The following NALF1 variants were observed in gnomAD, a reference collection of about 807,000 sequenced individuals.
NALF1 encodes the protein NALCN channel auxiliary factor 1.
A neutral mutation model predicts 48.4 loss-of-function variants in NALF1; 3 were observed. The ratio of observed to expected loss-of-function variants is 0.06; its 90% CI spans 0.03 to 0.16. NALF1 has a LOEUF of 0.16. Ranked by LOEUF, NALF1 falls within the 10% of genes least tolerant of loss-of-function variation. The pLI is 1.00. For missense variants in NALF1, 526 were observed against 571.5 expected (o/e 0.92, Z 0.81); for synonymous variants, 262 against 245.7 (o/e 1.07, Z -0.62).
chr13:107,732,076 C>T (rs1310599820), intron 1 of NALF1, among the ~76,000 whole-genome samples: 2 of 152,094 alleles, frequency 1.3e-5, no homozygotes, highest in African/African-American at 4.8e-5. Flanking sequence ...TATTATCACC[C>T]TCATTTCTAG....
At chr13:107,292,290 C>A (rs1054356310) in intron 1 of NALF1, among the ~76,000 whole-genome samples, 1 of 152,144 alleles carries the variant, frequency 6.6e-6, no homozygotes, top group Non-Finnish European at 1.5e-5. Flanking sequence ...ATGGAGCTTG[C>A]AGAACTGAAG....
chr13:107,317,125 C>T (rs1045550427), intron 1 of NALF1, among the ~76,000 whole-genome samples: 1 of 152,024 alleles, frequency 6.6e-6, no homozygotes, highest in Non-Finnish European at 1.5e-5. Flanking sequence ...TGCAAGAACT[C>T]AAATAATACT....
chr13:107,621,102 C>T (rs1160795510), intron 1 of NALF1, among the ~76,000 whole-genome samples: 1 of 152,086 alleles, frequency 6.6e-6, no homozygotes, highest in Admixed American at 6.6e-5. Flanking sequence ...ATGCGACTGA[C>T]AAGTAGTTCC....
At chr13:107,459,726 T>C (rs938935703) in intron 1 of NALF1, among the ~76,000 whole-genome samples, 7 of 152,100 alleles carry the variant, frequency 4.6e-5, no homozygotes, top group Non-Finnish European at 1.0e-4. Context: ...GCCATTCTTG[T>C]CATGCTTCTT....
At position 107,169,507 on chromosome 13, in the gene NALF1, T is replaced by C. The variant is rs573746133; in HGVS notation, c.*990A>G. 1 of 152,256 alleles carries C rather than the reference T, an allele frequency of 6.6e-6. No individual in the cohort carries two copies. Among genetic ancestry groups the C allele is most frequent in the African/African-American group, 2.4e-5 (1 of 41,560 alleles). 9.4% of individuals were successfully genotyped at this position (152,256 alleles called of 1,614,324 possible). A position where few individuals can be genotyped will look rare whatever the true frequency, so the allele number is the denominator to read the frequency against. ...AAATCACAATGAAAGCCCACCTTCA[T>C]TGTCAAAAGAAAAACTTCCTCACTC... On this transcript the variant is annotated 3_prime_UTR_variant, in exon 3 of 3. Transcript: ENST00000375915.
chr13:107,692,492 T>C (rs1881589676), intron 1 of NALF1, among the ~76,000 whole-genome samples: 1 of 152,242 alleles, frequency 6.6e-6, no homozygotes, highest in Non-Finnish European at 1.5e-5. Flanking sequence ...AAATTGACTT[T>C]ATATTATGCC....
chr13:107,327,214 G>A (rs969270218), intron 1 of NALF1, among the ~76,000 whole-genome samples: 1 of 152,112 alleles, frequency 6.6e-6, no homozygotes, highest in Non-Finnish European at 1.5e-5. Context: ...CTAAATACCA[G>A]CAGCCACCAA....
At chr13:107,592,709 A>C (rs1360349745) in intron 1 of NALF1, among the ~76,000 whole-genome samples, 18 of 151,934 alleles carry the variant, frequency 1.2e-4, no homozygotes, top group Admixed American at 1.2e-3. Flanking sequence ...GTTATCATCA[A>C]CTTCTAAAAT....
At chr13:107,495,964 C>T (rs897807264) in intron 1 of NALF1, among the ~76,000 whole-genome samples, 2 of 151,766 alleles carry the variant, frequency 1.3e-5, no homozygotes, top group African/African-American at 4.8e-5. Context: ...CATCTTTGTT[C>T]AATGTTATGT....
chr13:107,717,327 A>T (rs1356801265), intron 1 of NALF1, among the ~76,000 whole-genome samples: 2 of 152,330 alleles, frequency 1.3e-5, no homozygotes, highest in South Asian at 2.1e-4. Context: ...CATGAGTATC[A>T]CGTATGGACA....
chr13:107,269,036 G>A (rs111260428), intron 1 of NALF1, among the ~76,000 whole-genome samples: 18 of 152,138 alleles, frequency 1.2e-4, no homozygotes, highest in African/African-American at 4.1e-4. Flanking sequence ...GGTGGTGCAC[G>A]CCTGTGGTCC....
At chr13:107,761,128 C>T (rs547110464) in intron 1 of NALF1, among the ~76,000 whole-genome samples, 6 of 152,176 alleles carry the variant, frequency 3.9e-5, no homozygotes, top group African/African-American at 1.2e-4. Flanking sequence ...GAGGCCAAGG[C>T]GGGCAGATCA....
chr13:107,365,747 C>G (rs1281888011), intron 1 of NALF1, among the ~76,000 whole-genome samples: 1 of 152,168 alleles, frequency 6.6e-6, no homozygotes, highest in Non-Finnish European at 1.5e-5. Context: ...GAGAGATCCT[C>G]TTTTAGAAAT....
At chr13:107,776,425 C>T (rs1291401051) in intron 1 of NALF1, among the ~76,000 whole-genome samples, 1 of 152,122 alleles carries the variant, frequency 6.6e-6, no homozygotes, top group Non-Finnish European at 1.5e-5. Context: ...ATATGGGAAG[C>T]TTTCAGTAAT....
chr13:107,830,582 C>A (rs185409622), intron 1 of NALF1, among the ~76,000 whole-genome samples: 4 of 152,244 alleles, frequency 2.6e-5, no homozygotes, highest in Admixed American at 1.3e-4. Context: ...TGTATCTTTG[C>A]TGGAGAAATA....
intron 2 of NALF1, among the ~76,000 whole-genome samples, chr13:107,191,554 T>C (rs1159860036): frequency 6.6e-6 from 1 of 152,210 alleles, no homozygotes; most frequent in Non-Finnish European, 1.5e-5. Flanking sequence ...CTAGAGGCGA[T>C]GAAGAAGCTG....
chr13:107,205,132 A>G (rs1042904413), intron 2 of NALF1, among the ~76,000 whole-genome samples: 2 of 151,816 alleles, frequency 1.3e-5, no homozygotes, highest in African/African-American at 2.4e-5. Context: ...CATTAGGTAT[A>G]TCTCCCAATG....
intron 1 of NALF1, among the ~76,000 whole-genome samples, chr13:107,494,449 C>A (rs1175168904): frequency 6.6e-6 from 1 of 152,140 alleles, no homozygotes; most frequent in African/African-American, 2.4e-5. Context: ...GAGCTGAAAT[C>A]AACACTGCTT....
intron 1 of NALF1, among the ~76,000 whole-genome samples, chr13:107,280,121 CTCCA>C (rs1460384322): frequency 6.6e-6 from 1 of 152,108 alleles, no homozygotes; most frequent in East Asian, 1.9e-4. Flanking sequence ...TCTATATATT[CTCCA>C]TCCTGCAGAT....
Sources: allele counts gnomAD v4.1 joint callset (sites outside exome capture counted in the v4.1 genomes callset), GRCh38; gene constraint gnomAD v4.1.1; transcripts MANE v1.5; gene names NCBI Gene and HGNC (gene_info 2026-07-23, HGNC 2026-07-21).